Variants in SPECC1 observed in about 807,000 individuals in gnomAD.
SPECC1 encodes the protein cytospin-B.
In SPECC1, 62 loss-of-function variants were observed where a neutral mutation model predicts 104.1. The observed-to-expected ratio is 0.60, with a 90% CI of 0.49 to 0.74. The LOEUF (loss-of-function observed/expected upper bound fraction) is 0.74, where lower values mean the gene tolerates loss of function less well. Among genes scored for constraint, SPECC1 ranks in the 30% least tolerant of loss-of-function variants. SPECC1 has a pLI of 0.00. For synonymous variants in SPECC1, 513 were observed against 501.6 expected (o/e 1.02, Z -0.30); for missense variants, 1,306 against 1,310.5 (o/e 1.00, Z 0.05).
intron 3 of SPECC1, among the ~76,000 whole-genome samples, chr17:20,139,288 G>A (rs537281226): frequency 1.0e-3 from 159 of 152,238 alleles, no homozygotes; most frequent in Non-Finnish European, 1.7e-3. Flanking sequence ...CAACTTGCCC[G>A]TTGTACTCCA....
intron 3 of SPECC1, among the ~76,000 whole-genome samples, chr17:20,128,558 A>C (rs991236269): frequency 6.6e-6 from 1 of 152,190 alleles, no homozygotes; most frequent in Non-Finnish European, 1.5e-5. Context: ...ATTCTGATAT[A>C]ATTAAATATT....
rs758405016 is a variant in SPECC1 at position 20,205,630 on chromosome 17, G to T, written c.1581G>T (p.Arg527=). 1.2e-6 allele frequency: 2 copies of T among 1,614,186 alleles called. No individual in the cohort carries two copies. Among genetic ancestry groups the T allele is most frequent in the Admixed American group, 1.7e-5 (1 of 60,030 alleles). Residue 527 remains arginine (R), a synonymous_variant, in exon 4 of 15, where the codon CGG becomes CGT. Transcript: ENST00000395527. The part of the protein sequence containing the change: ...EKLNEFLELE[R]HNNNMMAKTL... ...TGAATGAGTTTCTAGAACTGGAACG[G>T]CATAATAATAACATGATGGCCAAAA...
chr17:20,277,554 T>C (rs1271962207), intron 12 of SPECC1, among the ~76,000 whole-genome samples: 1 of 152,202 alleles, frequency 6.6e-6, no homozygotes, highest in Non-Finnish European at 1.5e-5. Context: ...GTTTTTCTTT[T>C]TTTCTTTTTT....
intron 3 of SPECC1, among the ~76,000 whole-genome samples, chr17:20,198,870 C>T (rs1431446907): frequency 6.6e-6 from 1 of 152,162 alleles, no homozygotes; most frequent in African/African-American, 2.4e-5. Flanking sequence ...AACACATCCT[C>T]AAATAACTTC....
chr17:20,289,811 C>T (rs934619748), intron 12 of SPECC1, among the ~76,000 whole-genome samples: 4 of 152,042 alleles, frequency 2.6e-5, no homozygotes, highest in Non-Finnish European at 5.9e-5. Context: ...TGAAAGGGAA[C>T]GTCTTTATTT....
intron 12 of SPECC1, among the ~76,000 whole-genome samples, chr17:20,273,330 T>A (rs543041754): frequency 3.3e-5 from 5 of 151,898 alleles, no homozygotes; most frequent in Non-Finnish European, 7.4e-5. Context: ...CTAAAAACAT[T>A]AGTGGGGCAT....
chr17:20,049,829 A>G (rs2045673501), intron 1 of SPECC1, among the ~76,000 whole-genome samples: 1 of 150,552 alleles, frequency 6.6e-6, no homozygotes, highest in Non-Finnish European at 1.5e-5. Context: ...TTATTTATTT[A>G]TTAATTTTTT....
chr17:20,013,547 G>A (rs117380537), intron 1 of SPECC1, among the ~76,000 whole-genome samples: 8,519 of 152,168 alleles, frequency 0.056, 310 homozygotes, highest in Non-Finnish European at 0.084. Context: ...TATCGTCCAG[G>A]CTGGAGTGCA....
chr17:20,131,707 T>A (rs36051592), intron 3 of SPECC1, among the ~76,000 whole-genome samples: 1 of 149,174 alleles, frequency 6.7e-6, no homozygotes, highest in Non-Finnish European at 1.5e-5. Flanking sequence ...TGGAGTGCAG[T>A]GGCACAATTT....
At chr17:20,068,590 C>T (rs1194206938) in intron 1 of SPECC1, among the ~76,000 whole-genome samples, 1 of 152,156 alleles carries the variant, frequency 6.6e-6, no homozygotes, top group African/African-American at 2.4e-5. Flanking sequence ...TGTACTTTTT[C>T]ACATTTACGT....
chr17:20,074,525 T>A (rs12949710), intron 1 of SPECC1, among the ~76,000 whole-genome samples: 43,958 of 152,110 alleles, frequency 0.29, 6,868 homozygotes, highest in Middle Eastern at 0.43. Context: ...TTCCTATAGG[T>A]ATAAAATGTT....
intron 12 of SPECC1, among the ~76,000 whole-genome samples, chr17:20,293,156 GAAATA>G (rs2041228743): frequency 6.6e-6 from 1 of 151,672 alleles, no homozygotes; most frequent in Admixed American, 6.6e-5. Context: ...AGGCTAGCTT[GAAATA>G]ACCCTCAAGA....
intron 3 of SPECC1, among the ~76,000 whole-genome samples, chr17:20,201,635 C>A (rs1284855379): frequency 2.0e-5 from 3 of 152,170 alleles, no homozygotes; most frequent in African/African-American, 7.2e-5. Context: ...GTTTTTAATA[C>A]GGTCCTTGCT....
intron 12 of SPECC1, among the ~76,000 whole-genome samples, chr17:20,268,233 C>G (rs192817315): frequency 5.1e-4 from 77 of 152,316 alleles, no homozygotes; most frequent in African/African-American, 1.8e-3. Context: ...CATTAAGGGA[C>G]AGATGACGTC....
intron 1 of SPECC1, among the ~76,000 whole-genome samples, chr17:20,090,769 G>A (rs1180364435): frequency 6.6e-6 from 1 of 152,164 alleles, no homozygotes; most frequent in Non-Finnish European, 1.5e-5. Flanking sequence ...ACAGAAGGAC[G>A]TCACAGACCA....
chr17:20,169,930 A>G (rs1435071552), intron 3 of SPECC1, among the ~76,000 whole-genome samples: 1 of 152,226 alleles, frequency 6.6e-6, no homozygotes, highest in Admixed American at 6.5e-5. Context: ...AATTTTTTAT[A>G]TGGCTCCAAT....
chr17:20,098,553 C>T (rs1258761798), intron 2 of SPECC1, among the ~76,000 whole-genome samples: 1 of 152,242 alleles, frequency 6.6e-6, no homozygotes, highest in Non-Finnish European at 1.5e-5. Context: ...ACCCTGTCCC[C>T]TGCCTCTCAG....
At chr17:20,292,411 A>G (rs2041202098) in intron 12 of SPECC1, among the ~76,000 whole-genome samples, 1 of 151,440 alleles carries the variant, frequency 6.6e-6, no homozygotes, top group African/African-American at 2.4e-5. Context: ...GCTGACTGCA[A>G]CCTCCACCTC....
intron 11 of SPECC1, 102 bp downstream of exon 11, chr17:20,257,709 T>C (rs1285303706): frequency 1.7e-5 from 25 of 1,439,474 alleles, no homozygotes; most frequent in Non-Finnish European, 2.0e-5. Context: ...TCTACAAATA[T>C]TTCCTGCATG....
Sources: allele counts gnomAD v4.1 joint callset (sites outside exome capture counted in the v4.1 genomes callset), GRCh38; gene constraint gnomAD v4.1.1; transcripts MANE v1.5; gene names NCBI Gene and HGNC (gene_info 2026-07-23, HGNC 2026-07-21).